Variants in TBXAS1 observed in about 807,000 individuals in gnomAD.
The protein encoded by TBXAS1 is thromboxane-A synthase.
Under a neutral mutation model 60.7 loss-of-function variants are expected in TBXAS1, and 48 were observed. The ratio of observed to expected loss-of-function variants is 0.79; its 90% CI spans 0.63 to 1.01. The LOEUF is 1.01. TBXAS1 is among the 50% of genes least tolerant of loss of function. The pLI, the probability that TBXAS1 is intolerant of heterozygous loss-of-function variation, is 0.00. For missense variants in TBXAS1, 685 were observed against 686.3 expected, an observed-to-expected ratio of 1.00 and a Z score of 0.02; for synonymous variants, 287 against 269.7, an observed-to-expected ratio of 1.06 and a Z score of -0.63.
intron 1 of TBXAS1, among the ~76,000 whole-genome samples, chr7:139,839,024 GCAAC>G (rs1453641775): frequency 6.6e-6 from 1 of 152,194 alleles, no homozygotes; most frequent in African/African-American, 2.4e-5. Flanking sequence ...GTTGCTCGAG[GCAAC>G]CGTAAGTCCT....
chr7:139,867,826 T>TAAATAAATAAATA (rs367822550), intron 1 of TBXAS1, among the ~76,000 whole-genome samples: 2 of 146,854 alleles, frequency 1.4e-5, no homozygotes, highest in African/African-American at 5.0e-5. Context: ...CGAAAATAAA[T>TAAATAAATAAATA]AATAAATAAA....
intron 10 of TBXAS1, among the ~76,000 whole-genome samples, chr7:140,007,904 G>A (rs1814218206): frequency 6.6e-6 from 1 of 152,190 alleles, no homozygotes; most frequent in Non-Finnish European, 1.5e-5. Flanking sequence ...GGTATCTTGA[G>A]AGCAAAACCA....
At chr7:139,806,866 A>G (rs1364814112) in intron 4 of TBXAS1, among the ~76,000 whole-genome samples, 3 of 152,064 alleles carry the variant, frequency 2.0e-5, no homozygotes, top group Non-Finnish European at 4.4e-5. Context: ...ACCGCCATCC[A>G]CACTGGTGTG....
At chr7:139,902,395 C>T (rs1584807851) in intron 3 of TBXAS1, among the ~76,000 whole-genome samples, 1 of 152,050 alleles carries the variant, frequency 6.6e-6, no homozygotes, top group East Asian at 1.9e-4. Flanking sequence ...TTTTTTCAGT[C>T]ACAAAATTCC....
upstream of TBXAS1, among the ~76,000 whole-genome samples, chr7:139,825,241 A>G (rs1368691054): frequency 6.6e-6 from 1 of 152,180 alleles, no homozygotes; most frequent in African/African-American, 2.4e-5. Flanking sequence ...AACCCTGATC[A>G]GTGTCCCTGT....
At chr7:139,860,673 A>T (rs1246720788) in intron 1 of TBXAS1, among the ~76,000 whole-genome samples, 5 of 152,180 alleles carry the variant, frequency 3.3e-5, no homozygotes, top group Admixed American at 1.3e-4. Context: ...ACCCAGGGAG[A>T]CAAGAAGGGG....
At chr7:139,929,470 T>G (rs560048562) in intron 4 of TBXAS1, among the ~76,000 whole-genome samples, 1 of 152,068 alleles carries the variant, frequency 6.6e-6, no homozygotes, top group South Asian at 2.1e-4. Flanking sequence ...TAGGAATGAG[T>G]CAGGGTGGAG....
At chr7:139,832,059 C>A (rs2116495154) in intron 1 of TBXAS1, among the ~76,000 whole-genome samples, 1 of 152,242 alleles carries the variant, frequency 6.6e-6, no homozygotes, top group East Asian at 1.9e-4. Context: ...AATTTTAGCT[C>A]CAGATCAACT....
rs8192834 is a variant in TBXAS1, at chr7:139,941,433, GTT to G, written c.450+5137_450+5138del. Among the ~76,000 whole-genome samples the G allele has an allele frequency of 6.7e-4, 99 of 147,882 alleles. No homozygotes were observed. In the South Asian group the frequency reaches 7.5e-3, roughly 11 times the overall value. ...CCATATTTGTATTTAAATTAAAATT[GTT>G]TTTTTTTTTTGGCCTATGTCATACC... is the stretch of plus-strand genomic sequence containing the variant. On this transcript the variant is annotated intron_variant, in intron 5 of 12. Coordinates refer to ENST00000448866, the MANE Select transcript of TBXAS1 (RefSeq NM_001061.7).
At chr7:139,963,671 C>T (rs1213461708) in intron 9 of TBXAS1, among the ~76,000 whole-genome samples, 4 of 152,078 alleles carry the variant, frequency 2.6e-5, no homozygotes, top group African/African-American at 4.8e-5. Context: ...GAGCTGGAAG[C>T]GAGGCAATCT....
chr7:139,957,741 C>A lies in TBXAS1; in HGVS notation c.796C>A (p.Arg266=), dbSNP rs140774405. The A allele has an allele frequency of 4.3e-6, 7 of 1,614,020 alleles. No individual in the cohort carries two copies. Among genetic ancestry groups the A allele is most frequent in the Non-Finnish European group, 5.9e-6 (7 of 1,180,010 alleles). Residue 266 remains arginine, a synonymous_variant, in exon 8 of 13, where the codon CGG becomes AGG. Transcript: ENST00000448866. ...ACTCATTAGGAATGTGATTGCCTTG[C>A]GGGACCAGCAAGCTGCCGAAGAGGT... is the stretch of plus-strand genomic sequence containing the variant. ...NKLIRNVIAL[R]DQQAAEERRR...
chr7:139,866,076 A>C (rs1329222733), intron 1 of TBXAS1, among the ~76,000 whole-genome samples: 1 of 152,236 alleles, frequency 6.6e-6, no homozygotes, highest in African/African-American at 2.4e-5. Flanking sequence ...TAGCTTACAA[A>C]TTAGAAAAAA....
At chr7:139,828,672 G>C (rs2116469983), upstream of TBXAS1, among the ~76,000 whole-genome samples, 3 of 152,138 alleles carry the variant, frequency 2.0e-5, no homozygotes, top group South Asian at 6.2e-4. Context: ...CTCAAAGCTA[G>C]AACAAAGGAC....
chr7:139,809,566 G>A (rs2116393931), intron 4 of TBXAS1, among the ~76,000 whole-genome samples: 1 of 152,252 alleles, frequency 6.6e-6, no homozygotes, highest in South Asian at 2.1e-4. Context: ...CCGTCTAAAG[G>A]CCTCGGAACC....
intron 1 of TBXAS1, among the ~76,000 whole-genome samples, chr7:139,853,599 CT>C (rs1347066179): frequency 6.6e-6 from 1 of 152,154 alleles, no homozygotes; most frequent in East Asian, 1.9e-4. Flanking sequence ...CATCCTGTAA[CT>C]GTTTCCTTTT....
chr7:139,968,981 T>C (rs1434767069), intron 9 of TBXAS1, among the ~76,000 whole-genome samples: 1 of 152,226 alleles, frequency 6.6e-6, no homozygotes, highest in African/African-American at 2.4e-5. Context: ...CAACTTCTTT[T>C]CATATAAATT....
chr7:139,931,409 C>T (rs1170358316), intron 4 of TBXAS1, among the ~76,000 whole-genome samples: 1 of 152,200 alleles, frequency 6.6e-6, no homozygotes, highest in Non-Finnish European at 1.5e-5. Flanking sequence ...CACAGTCTGG[C>T]TCCCATCACA....
intron 9 of TBXAS1, among the ~76,000 whole-genome samples, chr7:140,001,706 T>C (rs1390058040): frequency 1.3e-5 from 2 of 152,214 alleles, no homozygotes; most frequent in Non-Finnish European, 2.9e-5. Context: ...AGAATTCTTT[T>C]CTAAACATGA....
intron 3 of TBXAS1, among the ~76,000 whole-genome samples, chr7:139,891,559 T>C (rs941180686): frequency 3.3e-5 from 5 of 152,164 alleles, no homozygotes; most frequent in Admixed American, 3.3e-4. Context: ...TCTTCAACAT[T>C]CCAAACAGTC....
Sources: gnomAD v4.1 joint callset for allele counts (sites outside exome capture counted in the v4.1 genomes callset) on GRCh38, gnomAD v4.1.1 for gene constraint, MANE v1.5 for transcripts, NCBI Gene and HGNC (gene_info 2026-07-23, HGNC 2026-07-21) for gene names.